The following TOGARAM2 variants were observed in gnomAD, a reference collection of about 807,000 sequenced individuals.
TOGARAM2 encodes the protein TOG array regulator of axonemal microtubules 2, also known as TOG array regulator of axonemal microtubules protein 2.
TOGARAM2 carries 85 observed loss-of-function variants against 93.3 expected under a neutral mutation model. The observed-to-expected ratio is 0.91, with a 90% CI of 0.76 to 1.09. The LOEUF (loss-of-function observed/expected upper bound fraction) is 1.09, where lower values mean the gene tolerates loss of function less well. Ranked by LOEUF, TOGARAM2 falls within the 50% of genes least tolerant of loss-of-function variation. The probability of loss-of-function intolerance (pLI) is 0.00; values close to 1 mark genes in which losing one functional copy is unlikely to be tolerated. For synonymous variants in TOGARAM2, 593 were observed against 552.8 expected (o/e 1.07, Z -1.02); for missense variants, 1,277 against 1,334.5 (o/e 0.96, Z 0.67).
intron 1 of TOGARAM2, among the ~76,000 whole-genome samples, chr2:28,974,150 C>T (rs1488100752): frequency 1.3e-4 from 15 of 115,346 alleles, no homozygotes; most frequent in Admixed American, 3.1e-4. Context: ...TTTTCTGAGG[C>T]GAAGTCTCTC....
chr2:29,029,484 C>T (rs532692154), intron 14 of TOGARAM2, among the ~76,000 whole-genome samples: 192 of 152,232 alleles, frequency 1.3e-3, no homozygotes, highest in Admixed American at 2.7e-3. Context: ...GGGCCGGGTG[C>T]GGTGGCTCAC....
intron 8 of TOGARAM2, among the ~76,000 whole-genome samples, chr2:29,016,869 C>T (rs996007355): frequency 6.6e-6 from 1 of 152,194 alleles, no homozygotes; most frequent in African/African-American, 2.4e-5. Flanking sequence ...TTTCTGTCTC[C>T]ACTTAAGCTT....
chr2:29,025,393 A>G (rs1055765083), intron 13 of TOGARAM2, among the ~76,000 whole-genome samples: 2 of 150,320 alleles, frequency 1.3e-5, no homozygotes, highest in Non-Finnish European at 3.0e-5. Flanking sequence ...AATGAATTGT[A>G]TTTTTTTTTT....
At chr2:28,958,453 G>A (rs1010184988) in intron 1 of TOGARAM2, among the ~76,000 whole-genome samples, 9 of 152,118 alleles carry the variant, frequency 5.9e-5, no homozygotes, top group African/African-American at 2.2e-4. Flanking sequence ...CTATGGGCAT[G>A]CACCACCATG....
chr2:28,986,218 C>CTTTGT (rs1438249032), intron 1 of TOGARAM2, among the ~76,000 whole-genome samples: 2 of 151,584 alleles, frequency 1.3e-5, no homozygotes, highest in African/African-American at 4.8e-5. Context: ...CTGCTTGTCA[C>CTTTGT]TTATCTCATT....
intron 6 of TOGARAM2, 117 bp from the exon 7 acceptor site, chr2:29,011,338 G>A (rs190094986): frequency 2.0e-5 from 16 of 796,314 alleles, no homozygotes; most frequent in Admixed American, 5.6e-5. Context: ...TAACAGTGCC[G>A]TCCCCTCTGT....
At chr2:29,023,847 T>C (rs1665138931) in intron 12 of TOGARAM2, among the ~76,000 whole-genome samples, 1 of 152,254 alleles carries the variant, frequency 6.6e-6, no homozygotes, top group South Asian at 2.1e-4. Flanking sequence ...TACCTATTTC[T>C]CACTTGGTAG....
At chr2:28,967,857 G>A (rs1671888687) in intron 1 of TOGARAM2, among the ~76,000 whole-genome samples, 1 of 126,848 alleles carries the variant, frequency 7.9e-6, no homozygotes, top group African/African-American at 3.0e-5. Context: ...CTATTGCCCA[G>A]GCTGGAGTGC....
At position 29,022,230 on chromosome 2, in the gene TOGARAM2, C is replaced by A. The variant is rs780629211; in HGVS notation, c.1433C>A (p.Ala478Asp). 3.7e-6 allele frequency: 6 copies of A among 1,614,026 alleles called. No homozygotes were observed. Among genetic ancestry groups the A allele is most frequent in the East Asian group, 2.2e-5 (1 of 44,882 alleles). ...GAAGAGGAGGAGATGGATCTTAGAG[C>A]CTGTAAGGAGTTGAGGCCTTTCTCG... Reference protein sequence around the residue: ...WEEEEEMDLRACKELRPFSNP... With the variant: ...WEEEEEMDLRDCKELRPFSNP... Residue 478 changes from alanine to aspartate, a missense_variant, in exon 11 of 20, where the codon GCC (alanine) becomes GAC (aspartate). Physicochemically the swap from Ala to Asp is moderately radical, Grantham distance 126. Coordinates refer to ENST00000379558, the MANE Select transcript of TOGARAM2 (RefSeq NM_199280.4).
chr2:28,983,785 A>G (rs1672338560), intron 1 of TOGARAM2, among the ~76,000 whole-genome samples: 1 of 152,142 alleles, frequency 6.6e-6, no homozygotes. Context: ...AGCTGTCATG[A>G]GTGCTCCCAT....
At chr2:29,048,020 A>G (rs1267717496) in intron 19 of TOGARAM2, 1 of 152,510 alleles carries the variant, frequency 6.6e-6, no homozygotes, top group Admixed American at 6.5e-5. Flanking sequence ...TGATAAAGAC[A>G]TATCCGAGAC....
upstream of TOGARAM2, among the ~76,000 whole-genome samples, chr2:28,980,478 C>T (rs1408244188): frequency 6.6e-6 from 1 of 152,160 alleles, no homozygotes; most frequent in Non-Finnish European, 1.5e-5. Context: ...TATCTTTGGG[C>T]GAGTGGCTGT....
In TOGARAM2 at chr2:29,023,187, G is replaced by A. The variant is rs753430476; in HGVS notation, c.1613G>A (p.Gly538Glu). Reference protein sequence around the residue: ...KLHDVCLVVTGEVTNLRSKVS... With the variant: ...KLHDVCLVVTEEVTNLRSKVS... The stretch of plus-strand genomic sequence containing the variant: ...CACGACGTGTGCTTGGTGGTGACTG[G>A]GGAGGTGAGGCCCCCCAGCCTGTGT... The change falls in exon 12 of 20, where the codon GGG becomes GAG. Residue 538 changes from glycine (G) to glutamate (E), a missense_variant. Transcript: ENST00000379558. 1.3e-6 allele frequency: 2 copies of A among 1,582,516 alleles called. No homozygotes were observed.
At chr2:29,001,063 CG>C (rs1352535978) in intron 4 of TOGARAM2, among the ~76,000 whole-genome samples, 1 of 152,148 alleles carries the variant, frequency 6.6e-6, no homozygotes, top group African/African-American at 2.4e-5. Context: ...CATGGAGGGC[CG>C]GGGATCTCTG....
upstream of TOGARAM2, among the ~76,000 whole-genome samples, chr2:28,978,060 C>T (rs375527995): frequency 2.0e-5 from 3 of 152,156 alleles, no homozygotes; most frequent in African/African-American, 7.2e-5. Context: ...GCATGCGCCA[C>T]CATGCCCAGC....
At chr2:28,957,499 G>T (rs115831013) in intron 1 of TOGARAM2, among the ~76,000 whole-genome samples, 1 of 152,082 alleles carries the variant, frequency 6.6e-6, no homozygotes, top group Non-Finnish European at 1.5e-5. Context: ...ATTTCATTAC[G>T]GAATATTATA....
chr2:28,968,582 G>A (rs138611931), intron 1 of TOGARAM2, among the ~76,000 whole-genome samples: 28 of 152,204 alleles, frequency 1.8e-4, no homozygotes, highest in African/African-American at 6.7e-4. Context: ...CAAGGTGGGT[G>A]GATTGCATGA....
At chr2:29,014,850 G>A (rs562026023) in intron 8 of TOGARAM2, among the ~76,000 whole-genome samples, 1 of 152,244 alleles carries the variant, frequency 6.6e-6, no homozygotes, top group Admixed American at 6.5e-5. Flanking sequence ...AAGGAGGACG[G>A]GGAGGTTGCA....
At chr2:29,014,310 C>A in intron 7 of TOGARAM2, 85 bp from the exon 8 acceptor site, 1 of 1,466,230 alleles carries the variant, frequency 6.8e-7, no homozygotes, top group Non-Finnish European at 9.3e-7. Flanking sequence ...TGGGGCTTAG[C>A]AGTAGAATTG....
Sources: gnomAD v4.1 joint callset for allele counts (sites outside exome capture counted in the v4.1 genomes callset) on GRCh38, gnomAD v4.1.1 for gene constraint, MANE v1.5 for transcripts, NCBI Gene and HGNC (gene_info 2026-07-23, HGNC 2026-07-21) for gene names.